CYP4F3: variants seen among roughly 807,000 people sequenced by gnomAD.
The protein encoded by CYP4F3 is cytochrome P450 family 4 subfamily F member 3, also known as cytochrome P450 4F3.
A neutral mutation model predicts 54.8 loss-of-function variants in CYP4F3; 50 were observed. The ratio of observed to expected loss-of-function variants is 0.91; its 90% CI spans 0.73 to 1.16. The LOEUF is 1.16. Ranked by LOEUF, CYP4F3 falls within the 50% of genes most tolerant of loss-of-function variation. CYP4F3 has a pLI of 0.00. For synonymous variants in CYP4F3, 244 were observed against 262.6 expected, an observed-to-expected ratio of 0.93 and a Z score of 0.69; for missense variants, 715 against 676.2, an observed-to-expected ratio of 1.06 and a Z score of -0.64.
intron 9 of CYP4F3, among the ~76,000 whole-genome samples, chr19:15,656,552 TTGATCTA>T (rs372490134): frequency 7.2e-6 from 1 of 139,416 alleles, no homozygotes; most frequent in Non-Finnish European, 1.6e-5. Flanking sequence ...GTATCTATCA[TTGATCTA>T]TCTATCATCT....
intron 7 of CYP4F3, 89 bp from the exon 8 acceptor site, chr19:15,652,480 G>T: frequency 6.4e-7 from 1 of 1,570,182 alleles, no homozygotes; most frequent in East Asian, 2.3e-5. Context: ...TGAATCTTCA[G>T]AGACTGTCTC....
intron 2 of CYP4F3, among the ~76,000 whole-genome samples, chr19:15,643,256 T>C (rs1435313859): frequency 7.3e-5 from 11 of 151,706 alleles, no homozygotes; most frequent in Non-Finnish European, 1.2e-4. Flanking sequence ...ATATATAAGA[T>C]AGAATGGATG....
At chr19:15,650,814 CTTTCTT>C (rs1339461961) in intron 7 of CYP4F3, among the ~76,000 whole-genome samples, 1 of 36,524 alleles carries the variant, frequency 2.7e-5, no homozygotes, top group Non-Finnish European at 4.7e-5. Context: ...TCTTCTCTTT[CTTTCTT>C]TCTTTCTTTC....
Position 15,650,404 on chromosome 19 carries a change from T to C in CYP4F3, c.918+221T>C, listed in dbSNP as rs566394041. On this transcript the variant is annotated intron_variant, in intron 7 of 12. Transcript: ENST00000221307. ...TGTGATGAGTCTGAGATTTACTCTA[T>C]TTATAAGTTAATAAGCTAATTGGCC... The C allele has an allele frequency of 4.6e-6, 4 of 869,406 alleles. No individual in the cohort carries two copies. The East Asian group carries it at 1.1e-4, about 24-fold the overall frequency. The allele number at this position is 869,406 out of a possible 1,614,324, so 53.9% of individuals were successfully genotyped here.
In CYP4F3 at chr19:15,641,547, C is replaced by T. The variant is rs1198574498; in HGVS notation, c.132C>T (p.Asn44=). The T allele has an allele frequency of 2.5e-6, 4 of 1,614,204 alleles. No individual in the cohort carries two copies. Among genetic ancestry groups the T allele is most frequent in the African/African-American group, 2.7e-5 (2 of 75,040 alleles). The change falls in exon 2 of 13, where the codon AAC becomes AAT. Residue 44 remains asparagine, a synonymous_variant. Coordinates refer to ENST00000221307, the MANE Select transcript of CYP4F3 (RefSeq NM_000896.3). ...ILAWTYTFYD[N]CCRLRCFPQP... ...CCTGGACCTATACCTTCTATGACAA[C>T]TGCTGCCGCCTCCGGTGTTTCCCGC...
intron 7 of CYP4F3, among the ~76,000 whole-genome samples, chr19:15,652,027 C>A (rs1262167065): frequency 6.6e-6 from 1 of 151,818 alleles, no homozygotes; most frequent in Non-Finnish European, 1.5e-5. Flanking sequence ...AGGAAAGGCA[C>A]CCTATATTAT....
chr19:15,656,282 GTGTA>G lies in CYP4F3; in HGVS notation c.1116-1980_1116-1977del, dbSNP rs1467363534. Among the ~76,000 whole-genome samples the G allele has an allele frequency of 4.7e-4, 38 of 81,500 alleles. No individual in the cohort carries two copies. In the East Asian group the frequency reaches 8.9e-3, roughly 19 times the overall value. 53.5% of individuals were successfully genotyped at this position (81,500 alleles called of 152,430 possible). On this transcript the variant is annotated intron_variant, in intron 9 of 12. Coordinates refer to ENST00000221307, the MANE Select transcript of CYP4F3 (RefSeq NM_000896.3). The stretch of plus-strand genomic sequence containing the variant: ...TTTAAAGGCTAAATGGGATTCCATT[GTGTA>G]TATATATATATATATACACCACATG...
chr19:15,659,489 C>T lies in CYP4F3; in HGVS notation c.*104C>T. On this transcript the variant is annotated 3_prime_UTR_variant, in exon 13 of 13. Coordinates refer to ENST00000221307, the MANE Select transcript of CYP4F3 (RefSeq NM_000896.3). Reference sequence around the variant, plus strand: ...CCTGTTCCACAGTCCTGTATTCCATCCTAGATATCTACTCAAAATAATTGA... The same window carrying T: ...CCTGTTCCACAGTCCTGTATTCCATTCTAGATATCTACTCAAAATAATTGA... 2 of 1,235,638 alleles carry T rather than the reference C, an allele frequency of 1.6e-6. No individual in the cohort carries two copies. Among genetic ancestry groups the T allele is most frequent in the Non-Finnish European group, 2.2e-6 (2 of 903,604 alleles). The allele number at this position is 1,235,638 out of a possible 1,614,324, so 76.5% of individuals were successfully genotyped here.
chr19:15,641,379 C>T, intron 1 of CYP4F3, 36 bp from the exon 2 acceptor site: 1 of 1,612,124 alleles, frequency 6.2e-7, no homozygotes, highest in Non-Finnish European at 8.5e-7. Flanking sequence ...TTCCCTGGGC[C>T]TCAGGACCTC....
chr19:15,658,657 C>T, intron 11 of CYP4F3, 70 bp from the exon 12 acceptor site: 1 of 1,609,250 alleles, frequency 6.2e-7, no homozygotes, highest in Admixed American at 1.7e-5. Flanking sequence ...CCAAGACACA[C>T]ACCACTGTCT....
At position 15,641,439 on chromosome 19, in the gene CYP4F3, G is replaced by A. The variant is rs144671668; in HGVS notation, c.24G>A (p.Ser8=). Residue 8 remains serine (S), a synonymous_variant, in exon 2 of 13, where the codon TCG becomes TCA. Transcript: ENST00000221307. ...GGATGCCACAGCTGAGCCTGTCCTCGCTGGGCCTTTGGCCAATGGCAGCAT... is the reference window on the plus strand; with the variant it reads ...GGATGCCACAGCTGAGCCTGTCCTCACTGGGCCTTTGGCCAATGGCAGCAT... The part of the protein sequence containing the change: MPQLSLS[S]LGLWPMAASP... The A allele has an allele frequency of 1.5e-4, 239 of 1,614,154 alleles. 1 individual carries two copies. The Middle Eastern group carries it at 1.8e-3, about 12-fold the overall frequency.
intron 2 of CYP4F3, among the ~76,000 whole-genome samples, chr19:15,643,371 T>C (rs1266554594): frequency 6.6e-6 from 1 of 150,672 alleles, no homozygotes; most frequent in Non-Finnish European, 1.5e-5. Context: ...TATAGATACA[T>C]AGATAGGTAG....
chr19:15,653,764 GA>G (rs1972937189), intron 9 of CYP4F3, among the ~76,000 whole-genome samples: 3 of 150,528 alleles, frequency 2.0e-5, no homozygotes, highest in Admixed American at 6.6e-5. Context: ...GAGAGAGAGA[GA>G]GAGAGAGAGA....
Position 15,661,795 on chromosome 19 carries a change from ACTCTTTG to A in CYP4F3, c.*2413_*2419del, listed in dbSNP as rs1437588873. 2.0e-5 allele frequency: 3 copies of A among 151,824 alleles called. No homozygotes were observed. Among genetic ancestry groups the A allele is most frequent in the African/African-American group, 7.3e-5 (3 of 41,308 alleles). The allele number at this position is 151,824 out of a possible 1,614,324, so 9.4% of individuals were successfully genotyped here. ...TATGTTTATACTGCCATATATAGGA[ACTCTTTG>A]CTTAACTGGAGGTCATGGAGATTTT... On this transcript the variant is annotated 3_prime_UTR_variant, in exon 13 of 13. Transcript: ENST00000221307.
At chr19:15,653,386 T>C (rs1972918260) in intron 9 of CYP4F3, among the ~76,000 whole-genome samples, 1 of 152,202 alleles carries the variant, frequency 6.6e-6, no homozygotes, top group East Asian at 1.9e-4. Context: ...CCAGAACACC[T>C]GCATCATTCA....
chr19:15,647,388 T>C (rs914958220), intron 5 of CYP4F3, 64 bp downstream of exon 5: 23 of 1,600,582 alleles, frequency 1.4e-5, no homozygotes, highest in African/African-American at 2.7e-5. Context: ...CAGACAGATC[T>C]AGTCTGGAAT....
Position 15,658,463 on chromosome 19 carries a change from G to A in CYP4F3, c.1250-28G>A, listed in dbSNP as rs755600121. The A allele has an allele frequency of 1.9e-6, 3 of 1,614,096 alleles. No individual in the cohort carries two copies. The Admixed American group carries it at 5.0e-5, about 27-fold the overall frequency. On this transcript the variant is annotated intron_variant, in intron 10 of 12. Coordinates refer to ENST00000221307, the MANE Select transcript of CYP4F3 (RefSeq NM_000896.3). ...AGGGGCCCCTCAGGCAGGGAGCATT[G>A]TCCTGACTGCCCCCTTCTCTCCCAC...
chr19:15,650,172 C>T lies in CYP4F3; in HGVS notation c.907C>T (p.Leu303=). ...SKTLDFIDVL[L]LSKDEDGKKL... ...GACTTTGGACTTCATTGATGTACTC[C>T]TGCTGAGCAAGGTGGGCCTCTCTGG... The change falls in exon 7 of 13, where the codon CTG becomes TTG. Residue 303 remains leucine, a synonymous_variant. Coordinates refer to ENST00000221307, the MANE Select transcript of CYP4F3 (RefSeq NM_000896.3). The T allele has an allele frequency of 1.2e-6, 2 of 1,614,176 alleles. No individual in the cohort carries two copies. The highest frequency in any genetic ancestry group is 1.7e-6 in the Non-Finnish European group (2 of 1,180,020).
rs1973149054 is a variant in CYP4F3 at position 15,660,089 on chromosome 19, C to T, written c.*704C>T. ...TCTTCACAAAAGAATATGTTGTGAG[C>T]ATCTTTCCATGATATTAAATCATCT... On this transcript the variant is annotated 3_prime_UTR_variant, in exon 13 of 13. Coordinates refer to ENST00000221307, the MANE Select transcript of CYP4F3 (RefSeq NM_000896.3). The T allele has an allele frequency of 6.6e-6, 1 of 152,202 alleles. No homozygotes were observed. The highest frequency in any genetic ancestry group is 6.5e-5 in the Admixed American group (1 of 15,284). 9.4% of individuals were successfully genotyped at this position (152,202 alleles called of 1,614,324 possible). A position where few individuals can be genotyped will look rare whatever the true frequency, so the allele number is the denominator to read the frequency against.
Sources: gnomAD v4.1 joint callset for allele counts (sites outside exome capture counted in the v4.1 genomes callset) on GRCh38, gnomAD v4.1.1 for gene constraint, MANE v1.5 for transcripts, NCBI Gene and HGNC (gene_info 2026-07-23, HGNC 2026-07-21) for gene names.